Variants in RNF39 observed in about 807,000 individuals in gnomAD.
RNF39 encodes the protein LTP (long-term potentiation) induced RING finger protein.
Under a neutral mutation model 29.2 loss-of-function variants are expected in RNF39, and 25 were observed. That is an observed-to-expected ratio of 0.86 (90% CI 0.62 to 1.20). RNF39 has a LOEUF of 1.20. Among genes scored for constraint, RNF39 ranks in the 50% most tolerant of loss-of-function variants. The probability of loss-of-function intolerance (pLI) is 0.00; values close to 1 mark genes in which losing one functional copy is unlikely to be tolerated. For missense variants in RNF39, 519 were observed against 515.0 expected, an observed-to-expected ratio of 1.01 and a Z score of -0.08; for synonymous variants, 219 against 229.0, an observed-to-expected ratio of 0.96 and a Z score of 0.40.
chr6:30,075,341 G>A lies in RNF39; in HGVS notation c.245C>T (p.Ala82Val). Residue 82 changes from alanine (A) to valine (V), a missense_variant, in exon 1 of 4, where the codon GCG (alanine) becomes GTG (valine). Transcript: ENST00000244360. ...CTCGCGGCTGATTCGCACCTCCACC[G>A]CCAGCCGCACATTAGACCTCAGGCT... ...RRSLRSNVRL[A>V]VEVRISRELR... is the part of the protein sequence containing the mutation. The A allele has an allele frequency of 6.3e-7, 1 of 1,590,722 alleles. No individual in the cohort carries two copies. Among genetic ancestry groups the A allele is most frequent in the South Asian group, 1.1e-5 (1 of 88,190 alleles).
chr6:30,075,764 A>C lies in RNF39; in HGVS notation c.-179T>G. Reference sequence around the variant, plus strand: ...TGCCTCTCTCTTCAACCAGAGTCTCAGTCTCGTCAAATCTCTCCACCACAT... The same window carrying C: ...TGCCTCTCTCTTCAACCAGAGTCTCCGTCTCGTCAAATCTCTCCACCACAT... On this transcript the variant is annotated 5_prime_UTR_variant, in exon 1 of 4. Coordinates refer to ENST00000244360, the MANE Select transcript of RNF39 (RefSeq NM_025236.4). The C allele has an allele frequency of 6.2e-7, 1 of 1,614,170 alleles. No homozygotes were observed. Among genetic ancestry groups the C allele is most frequent in the Admixed American group, 1.7e-5 (1 of 60,024 alleles).
At chr6:30,075,086 C>T in intron 1 of RNF39, 137 bp downstream of exon 1, 1 of 914,058 alleles carries the variant, frequency 1.1e-6, no homozygotes, top group Non-Finnish European at 1.6e-6. Context: ...CTCGCCCCCT[C>T]ATCCTTTGCT....
chr6:30,071,375 G>A lies in RNF39; in HGVS notation c.795C>T (p.Ala265=). ...CGCCGCGGCCCTCCACGGCCCACAC[G>A]GCCCCCGCAGGGCACAGCCTTACGC... The part of the protein sequence containing the change: ...KGCVRLCPAG[A]VWAVEGRGGR... Residue 265 remains alanine (A), a synonymous_variant, in exon 4 of 4, where the codon GCC becomes GCT. Coordinates refer to ENST00000244360, the MANE Select transcript of RNF39 (RefSeq NM_025236.4). The surrounding 1 kb of genome is among the most constrained non-coding windows in gnomAD (Gnocchi z 5.0). 6.8e-7 allele frequency: 1 copy of A among 1,467,198 alleles called. No homozygotes were observed. Among genetic ancestry groups the A allele is most frequent in the South Asian group, 1.4e-5 (1 of 70,298 alleles). 90.9% of individuals were successfully genotyped at this position (1,467,198 alleles called of 1,614,324 possible).
At position 30,071,178 on chromosome 6, in the gene RNF39, C is replaced by A; in HGVS notation, c.992G>T (p.Arg331Leu). Residue 331 changes from arginine to leucine, a missense_variant, in exon 4 of 4, where the codon CGC becomes CTC. Transcript: ENST00000244360. The surrounding 1 kb of genome is among the most constrained non-coding windows in gnomAD (Gnocchi z 5.0). ...GCAGGTGCAGAACAGCGGGAAGATG[C>A]GCTCCCCCAGGGGGCCAGGCGCCTG... is the stretch of plus-strand genomic sequence containing the variant. ...AFQAPGPLGERIFPLFCTCDP... is the reference protein window; with the variant it reads ...AFQAPGPLGELIFPLFCTCDP... 1 of 1,523,766 alleles carries A rather than the reference C, an allele frequency of 6.6e-7. No individual in the cohort carries two copies. The highest frequency in any genetic ancestry group is 8.8e-7 in the Non-Finnish European group (1 of 1,137,562). The allele number at this position is 1,523,766 out of a possible 1,614,324, so 94.4% of individuals were successfully genotyped here. A position where few individuals can be genotyped will look rare whatever the true frequency, so the allele number is the denominator to read the frequency against.
In RNF39 at chr6:30,073,525, C is replaced by G. The variant is rs1766164880; in HGVS notation, c.364-47G>C. On this transcript the variant is annotated intron_variant, in intron 1 of 3. Transcript: ENST00000244360. Reference sequence around the variant, plus strand: ...ATGGATGTGAGCTCTGGGCTTCATTCCCTGGGGCATCCTTCCCTATCTCTC... The same window carrying G: ...ATGGATGTGAGCTCTGGGCTTCATTGCCTGGGGCATCCTTCCCTATCTCTC... The G allele has an allele frequency of 4.4e-6, 7 of 1,604,918 alleles. No homozygotes were observed. In the East Asian group the frequency reaches 1.6e-4, roughly 36 times the overall value.
chr6:30,073,266 AG>A lies in RNF39; in HGVS notation c.387-19del, dbSNP rs748439993. On this transcript the variant is annotated intron_variant, in intron 2 of 3. Transcript: ENST00000244360. The stretch of plus-strand genomic sequence containing the variant: ...CTTCAAATCTACACAGATGAGGGGA[AG>A]GGTCAGGAAATCAGCCCTCTGATCC... The A allele has an allele frequency of 9.5e-6, 15 of 1,574,260 alleles. No homozygotes were observed. The Admixed American group carries it at 2.5e-4, about 26-fold the overall frequency.
In RNF39 at chr6:30,070,593, A is replaced by G. The variant is rs1474700644; in HGVS notation, c.*518T>C. 6.0e-6 allele frequency: 2 copies of G among 332,242 alleles called. No individual in the cohort carries two copies. Among genetic ancestry groups the G allele is most frequent in the East Asian group, 1.5e-4 (2 of 13,078 alleles). 20.6% of individuals were successfully genotyped at this position (332,242 alleles called of 1,614,324 possible). On this transcript the variant is annotated 3_prime_UTR_variant, in exon 4 of 4. Coordinates refer to ENST00000244360, the MANE Select transcript of RNF39 (RefSeq NM_025236.4). Reference sequence around the variant, plus strand: ...CACCCCCAGATCCTGCAAAAGAGGTACAAAGCTTCCCAGAGGGCCACAGGG... The same window carrying G: ...CACCCCCAGATCCTGCAAAAGAGGTGCAAAGCTTCCCAGAGGGCCACAGGG...
rs748212435 is a variant in RNF39, at chr6:30,070,826, AGGC to A, written c.*282_*284del. ...ATGGGGAGGGCCTGTTCCCCATTGCAGGCCTAGAATGGTTTGAATGGGAGAAGT... is the reference window on the plus strand; with the variant it reads ...ATGGGGAGGGCCTGTTCCCCATTGCACTAGAATGGTTTGAATGGGAGAAGT... On this transcript the variant is annotated 3_prime_UTR_variant, in exon 4 of 4. Transcript: ENST00000244360. 52 of 660,690 alleles carry A rather than the reference AGGC, an allele frequency of 7.9e-5. No homozygotes were observed. The East Asian group carries it at 1.5e-3, about 19-fold the overall frequency. 40.9% of individuals were successfully genotyped at this position (660,690 alleles called of 1,614,324 possible). A position where few individuals can be genotyped will look rare whatever the true frequency, so the allele number is the denominator to read the frequency against.
In RNF39 at chr6:30,073,297, GC is replaced by G. The variant is rs771999185; in HGVS notation, c.387-50del. 14 of 1,490,908 alleles carry G rather than the reference GC, an allele frequency of 9.4e-6. No individual in the cohort carries two copies. In the African/African-American group the frequency reaches 1.8e-4, roughly 19 times the overall value. 92.4% of individuals were successfully genotyped at this position (1,490,908 alleles called of 1,614,324 possible). A position where few individuals can be genotyped will look rare whatever the true frequency, so the allele number is the denominator to read the frequency against. ...AGGAAATCAGCCCTCTGATCCTAATGCCCCCACGCATACCCCACTCACATCT... is the reference window on the plus strand; with the variant it reads ...AGGAAATCAGCCCTCTGATCCTAATGCCCCACGCATACCCCACTCACATCT... On this transcript the variant is annotated intron_variant, in intron 2 of 3. Coordinates refer to ENST00000244360, the MANE Select transcript of RNF39 (RefSeq NM_025236.4).
At position 30,070,537 on chromosome 6, in the gene RNF39, T is replaced by G; in HGVS notation, c.*574A>C. Reference sequence around the variant, plus strand: ...AGGCTGTGAGCATAGAAAGCAGTCATAGGAGGTTGGGGAACTAGCTTGTCC... The same window carrying G: ...AGGCTGTGAGCATAGAAAGCAGTCAGAGGAGGTTGGGGAACTAGCTTGTCC... On this transcript the variant is annotated 3_prime_UTR_variant, in exon 4 of 4. Coordinates refer to ENST00000244360, the MANE Select transcript of RNF39 (RefSeq NM_025236.4). The G allele has an allele frequency of 3.6e-6, 1 of 278,982 alleles. No individual in the cohort carries two copies. Among genetic ancestry groups the G allele is most frequent in the Admixed American group, 4.6e-5 (1 of 21,880 alleles). 17.3% of individuals were successfully genotyped at this position (278,982 alleles called of 1,614,324 possible).
In RNF39 at chr6:30,075,343, C is replaced by A; in HGVS notation, c.243G>T (p.Leu81=). 1 of 1,592,212 alleles carries A rather than the reference C, an allele frequency of 6.3e-7. No individual in the cohort carries two copies. Residue 81 remains leucine (L), a synonymous_variant, in exon 1 of 4, where the codon CTG becomes CTT. Coordinates refer to ENST00000244360, the MANE Select transcript of RNF39 (RefSeq NM_025236.4). ...PRRSLRSNVR[L]AVEVRISREL... ...CGCGGCTGATTCGCACCTCCACCGC[C>A]AGCCGCACATTAGACCTCAGGCTGC...
Position 30,072,804 on chromosome 6 carries a change from A to G in RNF39, c.478+353T>C, listed in dbSNP as rs182874347. Among the ~76,000 whole-genome samples, 4 of 152,320 alleles carry G rather than the reference A, an allele frequency of 2.6e-5. No individual in the cohort carries two copies. The East Asian group carries it at 7.7e-4, about 29-fold the overall frequency. On this transcript the variant is annotated intron_variant, in intron 3 of 3. Coordinates refer to ENST00000244360, the MANE Select transcript of RNF39 (RefSeq NM_025236.4). This position sits in a 1 kb window ranked among gnomAD's most constrained non-coding sequence, Gnocchi z 4.5. ...TCTAATCCAGATTGCTGACTTACAAAAAGAGGAAATTTGGACACAGAGACA... is the reference window on the plus strand; with the variant it reads ...TCTAATCCAGATTGCTGACTTACAAGAAGAGGAAATTTGGACACAGAGACA...
chr6:30,073,839 C>T (rs1766190827), intron 1 of RNF39, among the ~76,000 whole-genome samples: 1 of 152,156 alleles, frequency 6.6e-6, no homozygotes, highest in African/African-American at 2.4e-5. Flanking sequence ...CAGTCCCATT[C>T]TCTGTCTCTT....
Position 30,071,498 on chromosome 6 carries a change from G to T in RNF39, c.672C>A (p.Asp224Glu). 1 of 1,551,744 alleles carries T rather than the reference G, an allele frequency of 6.4e-7. No homozygotes were observed. The highest frequency in any genetic ancestry group is 1.7e-4 in the Middle Eastern group (1 of 5,970). Residue 224 changes from aspartate (D) to glutamate (E), a missense_variant, in exon 4 of 4, where the codon GAC becomes GAA. Coordinates refer to ENST00000244360, the MANE Select transcript of RNF39 (RefSeq NM_025236.4). The surrounding 1 kb of genome is among the most constrained non-coding windows in gnomAD (Gnocchi z 5.0). Reference sequence around the variant, plus strand: ...CAGAAGAGTCTCTGCAGGAGGCGGCGTCCGCAGTCTCCACCTCCCAGCAGT... The same window carrying T: ...CAGAAGAGTCTCTGCAGGAGGCGGCTTCCGCAGTCTCCACCTCCCAGCAGT... ...GRHCWEVETADAASCRDSSGE... is the reference protein window; with the variant it reads ...GRHCWEVETAEAASCRDSSGE...
chr6:30,071,299 C>CTAT lies in RNF39; in HGVS notation c.870_871insATA (p.Val290_Glu291insIle). The CTAT allele has an allele frequency of 6.7e-7, 1 of 1,498,908 alleles. No homozygotes were observed. Among genetic ancestry groups the CTAT allele is most frequent in the Non-Finnish European group, 8.9e-7 (1 of 1,127,694 alleles). The allele number at this position is 1,498,908 out of a possible 1,614,324, so 92.9% of individuals were successfully genotyped here. On this transcript the variant is annotated inframe_insertion, in exon 4 of 4. Transcript: ENST00000244360. This position sits in a 1 kb window ranked among gnomAD's most constrained non-coding sequence, Gnocchi z 5.0. The stretch of plus-strand genomic sequence containing the variant: ...ACGCGAATGCGCCGCGGCGGGGGCT[C>CTAT]AACACCGCCCAGCAGGGTGGGTTCG...
In RNF39 at chr6:30,074,430, G is replaced by T. The variant is rs11755372; in HGVS notation, c.363+793C>A. Among the ~76,000 whole-genome samples the T allele has an allele frequency of 2.0e-5, 3 of 152,016 alleles. No individual in the cohort carries two copies. The highest frequency in any genetic ancestry group is 7.2e-5 in the African/African-American group (3 of 41,380). On this transcript the variant is annotated intron_variant, in intron 1 of 3. Coordinates refer to ENST00000244360, the MANE Select transcript of RNF39 (RefSeq NM_025236.4). The surrounding 1 kb of genome is among the most constrained non-coding windows in gnomAD (Gnocchi z 4.1). ...AGGAGCCGGGGCCCAGGAGAGGCGCGGGGGGTAGATGGGTGGTAAGACTGG... is the reference window on the plus strand; with the variant it reads ...AGGAGCCGGGGCCCAGGAGAGGCGCTGGGGGTAGATGGGTGGTAAGACTGG...
chr6:30,075,275 C>G lies in RNF39; in HGVS notation c.311G>C (p.Arg104Thr). The change falls in exon 1 of 4, where the codon AGA becomes ACA. Residue 104 changes from arginine (R) to threonine (T), a missense_variant. Physicochemically the swap from Arg to Thr is moderately conservative, Grantham distance 71. Transcript: ENST00000244360. ...GGTGGGGATGCGCCCCCCTCGGCGT[C>G]TCCCCGCACGGGCCCCAGGCTCAGC... ...KLAEPGARAG[R>T]RRGGRIPTMG... 2 of 1,599,568 alleles carry G rather than the reference C, an allele frequency of 1.3e-6. No homozygotes were observed. Among genetic ancestry groups the G allele is most frequent in the Non-Finnish European group, 1.7e-6 (2 of 1,176,332 alleles).
Position 30,075,553 on chromosome 6 carries a change from C to T in RNF39, c.33G>A (p.Val11=). The change falls in exon 1 of 4, where the codon GTG becomes GTA. Residue 11 remains valine, a synonymous_variant. Coordinates refer to ENST00000244360, the MANE Select transcript of RNF39 (RefSeq NM_025236.4). Reference sequence around the variant, plus strand: ...ACGTCGCCAGCTGCTCCAGACGCTCCACCAGCCCCGGGCCCAGCTCGGGCG... The same window carrying T: ...ACGTCGCCAGCTGCTCCAGACGCTCTACCAGCCCCGGGCCCAGCTCGGGCG... MDAPELGPGL[V]ERLEQLATCP... is the part of the protein sequence containing the mutation. 1 of 1,601,346 alleles carries T rather than the reference C, an allele frequency of 6.2e-7. No individual in the cohort carries two copies. The highest frequency in any genetic ancestry group is 2.3e-5 in the East Asian group (1 of 44,330).
rs1464851220 is a variant in RNF39, at chr6:30,071,236, C to G, written c.934G>C (p.Asp312His). 3 of 1,511,650 alleles carry G rather than the reference C, an allele frequency of 2.0e-6. No homozygotes were observed. The highest frequency in any genetic ancestry group is 2.8e-5 in the African/African-American group (2 of 71,454). 93.6% of individuals were successfully genotyped at this position (1,511,650 alleles called of 1,614,324 possible). Residue 312 changes from aspartate to histidine, a missense_variant, in exon 4 of 4, where the codon GAC (aspartate) becomes CAC (histidine). By Grantham distance (81) the Asp-to-His change is moderately conservative (BLOSUM62 -1). Coordinates refer to ENST00000244360, the MANE Select transcript of RNF39 (RefSeq NM_025236.4). The surrounding 1 kb of genome is among the most constrained non-coding windows in gnomAD (Gnocchi z 5.0). Reference sequence around the variant, plus strand: ...TAAAGCAGGTCGAGTGAGCGGCCGTCGTAGAAGGCCACGCGGCCCCGCTCC... The same window carrying G: ...TAAAGCAGGTCGAGTGAGCGGCCGTGGTAGAAGGCCACGCGGCCCCGCTCC... Reference protein sequence around the residue: ...DWERGRVAFYDGRSLDLLYAF... With the variant: ...DWERGRVAFYHGRSLDLLYAF...
Sources: gnomAD v4.1 joint callset for allele counts (sites outside exome capture counted in the v4.1 genomes callset) on GRCh38, gnomAD v4.1.1 for gene constraint, Gnocchi (gnomAD v3.1) non-coding constraint, MANE v1.5 for transcripts, NCBI Gene and HGNC (gene_info 2026-07-23, HGNC 2026-07-21) for gene names.